FBP1: variants seen among roughly 807,000 people sequenced by gnomAD.
FBP1 encodes the protein fructose-1,6-bisphosphatase 1.
Under a neutral mutation model 29.9 loss-of-function variants are expected in FBP1, and 22 were observed. The observed-to-expected ratio is 0.74, with a 90% CI of 0.53 to 1.05. The LOEUF (loss-of-function observed/expected upper bound fraction) is 1.05, where lower values mean the gene tolerates loss of function less well. Among genes scored for constraint, FBP1 ranks in the 50% least tolerant of loss-of-function variants. The pLI, the probability that FBP1 is intolerant of heterozygous loss-of-function variation, is 0.00. For missense variants in FBP1, 345 were observed against 448.2 expected (o/e 0.77, Z 2.08); for synonymous variants, 175 against 178.6 (o/e 0.98, Z 0.16).
Position 94,637,956 on chromosome 9 carries a change from C to T in FBP1, c.170+1185G>A, listed in dbSNP as rs28402370. Among the ~76,000 whole-genome samples the T allele has an allele frequency of 2.3e-3, 346 of 151,968 alleles. 2 individuals are homozygous for T. The highest frequency in any genetic ancestry group is 8.2e-3 in the African/African-American group (338 of 41,470). ...ACAAAATTAGCTGGGCATGGTGGCA[C>T]ATGCCTGTAATCCCAGCTACTCGGG... On this transcript the variant is annotated intron_variant, in intron 1 of 6. Coordinates refer to ENST00000375326, the MANE Select transcript of FBP1 (RefSeq NM_000507.4).
chr9:94,613,532 AGGCGG>A (rs75793477), intron 3 of FBP1, among the ~76,000 whole-genome samples: 3 of 54,040 alleles, frequency 5.6e-5, no homozygotes, highest in Non-Finnish European at 1.4e-4. Flanking sequence ...TGGGAGGTCG[AGGCGG>A]GAGGATCGCC....
At chr9:94,621,755 C>CACTGGTTACGGGTT (rs1406382887) in intron 1 of FBP1, among the ~76,000 whole-genome samples, 2 of 152,128 alleles carry the variant, frequency 1.3e-5, no homozygotes, top group Non-Finnish European at 2.9e-5. Context: ...TGTTGGCCCC[C>CACTGGTTACGGGTT]AAACACACGG....
chr9:94,626,915 G>C (rs952280322), intron 1 of FBP1, among the ~76,000 whole-genome samples: 1 of 151,918 alleles, frequency 6.6e-6, no homozygotes, highest in South Asian at 2.1e-4. Context: ...TTGGCCAGTC[G>C]CAGTGGCTCA....
Position 94,618,978 on chromosome 9 carries a change from G to A in FBP1, c.334-1118C>T, listed in dbSNP as rs150458731. Among the ~76,000 whole-genome samples the A allele has an allele frequency of 2.5e-3, 375 of 152,256 alleles. 1 individual carries two copies. Among genetic ancestry groups the A allele is most frequent in the East Asian group, 6.9e-3 (36 of 5,184 alleles). The stretch of plus-strand genomic sequence containing the variant: ...TCCAAATTAGCCACTTTACAATGTC[G>A]TTTTTAAATGTCTGTAGCAGATTAA... On this transcript the variant is annotated intron_variant, in intron 2 of 6. Coordinates refer to ENST00000375326, the MANE Select transcript of FBP1 (RefSeq NM_000507.4).
At chr9:94,632,225 C>G (rs1383413089) in intron 1 of FBP1, among the ~76,000 whole-genome samples, 1 of 152,086 alleles carries the variant, frequency 6.6e-6, no homozygotes, top group African/African-American at 2.4e-5. Flanking sequence ...TAATATGAGT[C>G]TGATGGGAGG....
chr9:94,605,404 G>A (rs924281904), intron 6 of FBP1, 53 bp downstream of exon 6: 25 of 1,598,018 alleles, frequency 1.6e-5, no homozygotes, highest in Middle Eastern at 2.1e-4. Context: ...ACTAAATCGC[G>A]TGGGCTGCAA....
chr9:94,605,926 G>T (rs28369758), intron 5 of FBP1, among the ~76,000 whole-genome samples: 1,588 of 152,284 alleles, frequency 0.01, 28 homozygotes, highest in African/African-American at 0.036. Flanking sequence ...ACCGGGCAGG[G>T]GTGGGAGGCA....
rs1431962892 is a variant in FBP1, at chr9:94,639,155, C to T, written c.156G>A (p.Ala52=). 1 of 1,602,276 alleles carries T rather than the reference C, an allele frequency of 6.2e-7. No individual in the cohort carries two copies. The highest frequency in any genetic ancestry group is 8.5e-7 in the Non-Finnish European group (1 of 1,174,916). The change falls in exon 1 of 7, where the codon GCG becomes GCA. Residue 52 remains alanine (A), a synonymous_variant. Transcript: ENST00000375326. ...VKAISSAVRK[A]GIAHLYGIAG... Reference sequence around the variant, plus strand: ...GCCCGACTCACAGGTGCGCGATGCCCGCCTTGCGCACCGCCGAAGAGATGG... The same window carrying T: ...GCCCGACTCACAGGTGCGCGATGCCTGCCTTGCGCACCGCCGAAGAGATGG...
intron 2 of FBP1, among the ~76,000 whole-genome samples, chr9:94,618,565 G>T (rs974945934): frequency 3.3e-5 from 5 of 150,820 alleles, no homozygotes; most frequent in African/African-American, 1.2e-4. Flanking sequence ...GGTATCACTT[G>T]AGCCAGGAGT....
At chr9:94,613,514 C>G (rs1827814985) in intron 3 of FBP1, among the ~76,000 whole-genome samples, 1 of 144,050 alleles carries the variant, frequency 6.9e-6, no homozygotes, top group Non-Finnish European at 1.5e-5. Flanking sequence ...CCCGTAATCC[C>G]AACACTTTGG....
chr9:94,625,752 G>A (rs547611020), intron 1 of FBP1, among the ~76,000 whole-genome samples: 81 of 152,186 alleles, frequency 5.3e-4, no homozygotes, highest in African/African-American at 1.9e-3. Flanking sequence ...CCCAGATGGC[G>A]CCCCTGCGCT....
chr9:94,615,364 T>C (rs1226166651), intron 3 of FBP1, among the ~76,000 whole-genome samples: 1 of 151,882 alleles, frequency 6.6e-6, no homozygotes, highest in African/African-American at 2.4e-5. Context: ...ATTTCCCAGG[T>C]TTTTTTTCCT....
intron 3 of FBP1, among the ~76,000 whole-genome samples, chr9:94,610,327 T>A (rs1827765766): frequency 1.3e-5 from 2 of 152,202 alleles, no homozygotes; most frequent in African/African-American, 4.8e-5. Context: ...CCCTCATCTC[T>A]CCACTATCAG....
In FBP1 at chr9:94,639,319, C is replaced by T. The variant is rs369411593; in HGVS notation, c.-9G>A. The T allele has an allele frequency of 3.6e-4, 577 of 1,604,484 alleles. No homozygotes were observed. The highest frequency in any genetic ancestry group is 4.8e-4 in the Non-Finnish European group (562 of 1,175,802). On this transcript the variant is annotated 5_prime_UTR_variant, in exon 1 of 7. Coordinates refer to ENST00000375326, the MANE Select transcript of FBP1 (RefSeq NM_000507.4). ...GGCGCCTGGTCAGCCATGCTTGAAC[C>T]GGGTAGAGCGCGGGGCTGCAGGTGC...
At position 94,622,501 on chromosome 9, in the gene FBP1, G is replaced by C. The variant is rs902811244; in HGVS notation, c.171-2010C>G. On this transcript the variant is annotated intron_variant, in intron 1 of 6. Transcript: ENST00000375326. ...AAACATAACTCGCTGTGACTGGCTGGGCAAAACTGAGCCCCTCCTAGAAAC... is the reference window on the plus strand; with the variant it reads ...AAACATAACTCGCTGTGACTGGCTGCGCAAAACTGAGCCCCTCCTAGAAAC... Among the ~76,000 whole-genome samples, 4 of 152,328 alleles carry C rather than the reference G, an allele frequency of 2.6e-5. No individual in the cohort carries two copies. In the South Asian group the frequency reaches 6.2e-4, roughly 24 times the overall value.
At chr9:94,628,268 C>T (rs1828052923) in intron 1 of FBP1, among the ~76,000 whole-genome samples, 1 of 151,984 alleles carries the variant, frequency 6.6e-6, no homozygotes. Flanking sequence ...TGCCTACAAT[C>T]CCAGCTACTT....
At chr9:94,627,086 G>T (rs908911855) in intron 1 of FBP1, among the ~76,000 whole-genome samples, 8 of 152,032 alleles carry the variant, frequency 5.3e-5, no homozygotes, top group Non-Finnish European at 1.0e-4. Context: ...TACTCAGGAG[G>T]CTGAGGCAGG....
intron 1 of FBP1, among the ~76,000 whole-genome samples, chr9:94,635,871 G>A (rs28402389): frequency 0.097 from 14,765 of 152,218 alleles, 893 homozygotes; most frequent in East Asian, 0.24. Flanking sequence ...GGAGGTAGAT[G>A]TAGATGTCCC....
At chr9:94,614,837 G>C (rs1009331266) in intron 3 of FBP1, among the ~76,000 whole-genome samples, 1 of 152,030 alleles carries the variant, frequency 6.6e-6, no homozygotes, top group South Asian at 2.1e-4. Flanking sequence ...AATCAATAAG[G>C]CTTCAAAAAA....
Sources: allele counts gnomAD v4.1 joint callset (sites outside exome capture counted in the v4.1 genomes callset), GRCh38; gene constraint gnomAD v4.1.1; transcripts MANE v1.5; gene names NCBI Gene and HGNC (gene_info 2026-07-23, HGNC 2026-07-21).